Variants in NCKAP5 observed in about 807,000 individuals in gnomAD.
NCKAP5 encodes NCK associated protein 5.
In NCKAP5, 92 loss-of-function variants were observed where a neutral mutation model predicts 167.0. The ratio of observed to expected loss-of-function variants is 0.55; its 90% CI spans 0.47 to 0.66. The LOEUF (loss-of-function observed/expected upper bound fraction) is 0.66, where lower values mean the gene tolerates loss of function less well. Ranked by LOEUF, NCKAP5 falls within the 30% of genes least tolerant of loss-of-function variation. The probability of loss-of-function intolerance (pLI) is 0.00; values close to 1 mark genes in which losing one functional copy is unlikely to be tolerated. For missense variants in NCKAP5, 2,378 were observed against 2,315.0 expected (o/e 1.03, Z -0.56); for synonymous variants, 891 against 877.4 (o/e 1.02, Z -0.27).
chr2:132,915,345 G>A (rs1432703717), intron 8 of NCKAP5, among the ~76,000 whole-genome samples: 3 of 152,096 alleles, frequency 2.0e-5, no homozygotes, highest in Non-Finnish European at 2.9e-5. Context: ...AGGAGCAGGA[G>A]GCTAAAGGGG....
chr2:133,625,177 TC>T, the NCKAP5 span, among the ~76,000 whole-genome samples: 1 of 152,248 alleles, frequency 6.6e-6, no homozygotes, highest in Non-Finnish European at 1.5e-5. Context: ...GAAAAGTCAT[TC>T]TTTTTAGCAT....
chr2:133,349,673 G>A, intron 3 of NCKAP5, among the ~76,000 whole-genome samples: 1 of 152,092 alleles, frequency 6.6e-6, no homozygotes, highest in East Asian at 1.9e-4. Context: ...CACATGTTTG[G>A]CATTTTACAG....
chr2:133,152,731 A>G (rs2083426571), intron 5 of NCKAP5, among the ~76,000 whole-genome samples: 1 of 152,210 alleles, frequency 6.6e-6, no homozygotes, highest in African/African-American at 2.4e-5. Context: ...TGTGCCATAT[A>G]ACAAAGTTTT....
chr2:132,818,616 A>G (rs1164906284), intron 11 of NCKAP5, among the ~76,000 whole-genome samples: 1 of 152,206 alleles, frequency 6.6e-6, no homozygotes, highest in African/African-American at 2.4e-5. Flanking sequence ...TGAACCCGGG[A>G]GGTGGTGGTT....
chr2:133,552,828 A>G (rs1013181771), intron 2 of NCKAP5, among the ~76,000 whole-genome samples: 10 of 151,786 alleles, frequency 6.6e-5, no homozygotes, highest in Admixed American at 3.9e-4. Context: ...ATGAACGAAC[A>G]CTCTTTTTAC....
At chr2:133,591,913 A>G in the NCKAP5 span, among the ~76,000 whole-genome samples, 1 of 152,206 alleles carries the variant, frequency 6.6e-6, no homozygotes, top group African/African-American at 2.4e-5. Flanking sequence ...AACAGTTAAA[A>G]TTCTGTTCAT....
intron 19 of NCKAP5, among the ~76,000 whole-genome samples, chr2:132,702,888 G>A (rs1573928655): frequency 1.3e-5 from 2 of 152,156 alleles, no homozygotes; most frequent in South Asian, 4.1e-4. Flanking sequence ...GGATTAAAAA[G>A]TATTTATTGG....
intron 6 of NCKAP5, among the ~76,000 whole-genome samples, chr2:133,124,993 G>A (rs1399028963): frequency 6.6e-6 from 1 of 152,112 alleles, no homozygotes; most frequent in South Asian, 2.1e-4. Context: ...CTGCAGCGAG[G>A]TGAGGCTGCA....
At chr2:133,621,060 T>G in the NCKAP5 span, among the ~76,000 whole-genome samples, 2 of 152,088 alleles carry the variant, frequency 1.3e-5, no homozygotes, top group African/African-American at 2.4e-5. Context: ...AGTTAAAAAT[T>G]TCTTTGAATT....
At chr2:132,703,309 G>T (rs887732242) in intron 19 of NCKAP5, among the ~76,000 whole-genome samples, 9 of 152,162 alleles carry the variant, frequency 5.9e-5, no homozygotes, top group Admixed American at 6.5e-5. Flanking sequence ...TTTCAATATT[G>T]TCATGTTGGG....
At chr2:133,525,037 G>A (rs1684757845) in intron 2 of NCKAP5, among the ~76,000 whole-genome samples, 1 of 152,136 alleles carries the variant, frequency 6.6e-6, no homozygotes, top group Admixed American at 6.6e-5. Flanking sequence ...ACACAGAAAA[G>A]TGTTGTGTCC....
At chr2:132,839,533 G>T (rs1039670303) in intron 11 of NCKAP5, among the ~76,000 whole-genome samples, 50 of 152,084 alleles carry the variant, frequency 3.3e-4, no homozygotes, top group African/African-American at 1.1e-3. Context: ...GGCTGAGGCG[G>T]GCAGATTGCT....
chr2:132,875,979 A>C (rs1166378163), intron 9 of NCKAP5, among the ~76,000 whole-genome samples: 2 of 152,108 alleles, frequency 1.3e-5, no homozygotes, highest in Non-Finnish European at 2.9e-5. Flanking sequence ...CTTCTGAATA[A>C]ATGTGCTCTT....
chr2:132,931,860 T>C (rs1323615952), intron 8 of NCKAP5, among the ~76,000 whole-genome samples: 3 of 152,052 alleles, frequency 2.0e-5, no homozygotes, highest in African/African-American at 7.2e-5. Flanking sequence ...AGAAGAAAAA[T>C]ATAAAATTGT....
At chr2:133,313,182 T>C (rs909038460) in intron 3 of NCKAP5, among the ~76,000 whole-genome samples, 11 of 152,138 alleles carry the variant, frequency 7.2e-5, no homozygotes, top group Admixed American at 6.5e-4. Context: ...CGCAGCCCTC[T>C]CCACCAATTT....
intron 4 of NCKAP5, among the ~76,000 whole-genome samples, chr2:133,243,776 C>CT (rs1330993576): frequency 6.6e-6 from 1 of 152,140 alleles, no homozygotes; most frequent in Non-Finnish European, 1.5e-5. Flanking sequence ...GTTAAACCTG[C>CT]TTGATGTGCT....
chr2:133,453,870 CA>C (rs1199976044), intron 3 of NCKAP5, among the ~76,000 whole-genome samples: 2 of 151,588 alleles, frequency 1.3e-5, no homozygotes, highest in African/African-American at 4.9e-5. Flanking sequence ...AAGTTGAAAA[CA>C]AGAAAGAATT....
the NCKAP5 span, among the ~76,000 whole-genome samples, chr2:133,591,026 A>T: frequency 6.6e-6 from 1 of 152,214 alleles, no homozygotes; most frequent in South Asian, 2.1e-4. Context: ...TACTGTATGT[A>T]TATGAGTGTG....
At chr2:133,193,407 G>C (rs1200728594) in intron 5 of NCKAP5, among the ~76,000 whole-genome samples, 1 of 151,926 alleles carries the variant, frequency 6.6e-6, no homozygotes, top group Non-Finnish European at 1.5e-5. Flanking sequence ...TTGGGTAAAG[G>C]GTCCTCTGGG....
Sources: gnomAD v4.1 joint callset for allele counts (sites outside exome capture counted in the v4.1 genomes callset) on GRCh38, gnomAD v4.1.1 for gene constraint, MANE v1.5 for transcripts, NCBI Gene and HGNC (gene_info 2026-07-23, HGNC 2026-07-21) for gene names.